SERPINB2: variants seen among roughly 807,000 people sequenced by gnomAD.
The protein encoded by SERPINB2 is serpin family B member 2.
SERPINB2 carries 28 observed loss-of-function variants against 39.4 expected under a neutral mutation model. The observed-to-expected ratio is 0.71, with a 90% CI of 0.53 to 0.97. The LOEUF is 0.97. Ranked by LOEUF, SERPINB2 falls within the 50% of genes least tolerant of loss-of-function variation. SERPINB2 has a pLI of 0.00. For missense variants in SERPINB2, 557 were observed against 505.3 expected, an observed-to-expected ratio of 1.10 and a Z score of -0.98; for synonymous variants, 209 against 175.1, an observed-to-expected ratio of 1.19 and a Z score of -1.53.
intron 5 of SERPINB2, among the ~76,000 whole-genome samples, chr18:63,901,244 A>G (rs1341911351): frequency 6.6e-6 from 1 of 152,148 alleles, no homozygotes; most frequent in Non-Finnish European, 1.5e-5. Flanking sequence ...ATCCAGGATA[A>G]TTCTTCCTTT....
intron 1 of SERPINB2, among the ~76,000 whole-genome samples, chr18:63,888,859 C>T (rs2049908378): frequency 6.6e-6 from 1 of 152,188 alleles, no homozygotes; most frequent in Admixed American, 6.5e-5. Context: ...AAATTCACAA[C>T]AGGTATACCT....
At position 63,892,381 on chromosome 18, in the gene SERPINB2, C is replaced by T. The variant is rs187103212; in HGVS notation, c.168+769C>T. Among the ~76,000 whole-genome samples the T allele has an allele frequency of 2.4e-4, 36 of 152,268 alleles. No individual in the cohort carries two copies. In the East Asian group the frequency reaches 6.6e-3, roughly 28 times the overall value. ...GGAGTCTGGGCCCTTGAAATTATGC[C>T]GGACTACTTCAATTATACACTGCAA... On this transcript the variant is annotated intron_variant, in intron 2 of 7. Coordinates refer to ENST00000299502, the MANE Select transcript of SERPINB2 (RefSeq NM_002575.3).
intron 5 of SERPINB2, among the ~76,000 whole-genome samples, chr18:63,898,124 G>C (rs923647716): frequency 3.9e-5 from 6 of 152,202 alleles, no homozygotes; most frequent in Admixed American, 6.5e-5. Context: ...TTTCAAAATA[G>C]GAAATATCAG....
Position 63,889,042 on chromosome 18 carries a change from T to C in SERPINB2, c.-10+1272T>C, listed in dbSNP as rs1384272531. 3.3e-5 allele frequency among the ~76,000 whole-genome samples: 5 copies of C among 152,270 alleles called. No individual in the cohort carries two copies. In the East Asian group the frequency reaches 9.7e-4, roughly 29 times the overall value. Reference sequence around the variant, plus strand: ...AAACTCTCAGACCTTATTTGAAAAGTTTGTAGGAAAGCATTAGACTTGGAA... The same window carrying C: ...AAACTCTCAGACCTTATTTGAAAAGCTTGTAGGAAAGCATTAGACTTGGAA... On this transcript the variant is annotated intron_variant, in intron 1 of 7. Coordinates refer to ENST00000299502, the MANE Select transcript of SERPINB2 (RefSeq NM_002575.3).
In SERPINB2 at chr18:63,895,263, G is replaced by T. The variant is rs749879244; in HGVS notation, c.169-1G>T. 1 of 1,613,234 alleles carries T rather than the reference G, an allele frequency of 6.2e-7. No homozygotes were observed. On this transcript the variant is annotated splice_acceptor_variant, in intron 2 of 7. Coordinates refer to ENST00000299502, the MANE Select transcript of SERPINB2 (RefSeq NM_002575.3). LOFTEE classifies it high-confidence loss of function. ...ACCGTTTTCTCTAATTCTGATTGCA[G>T]GTGCTTCAGTTTAATGAAGTGGGAG...
At chr18:63,891,653 C>T (rs1308996701) in intron 2 of SERPINB2, 41 bp downstream of exon 2, 1 of 1,582,516 alleles carries the variant, frequency 6.3e-7, no homozygotes, top group East Asian at 2.3e-5. Context: ...CCGAGTAGTT[C>T]CTGAATGGAA....
At chr18:63,888,109 A>G (rs1568233994) in intron 1 of SERPINB2, among the ~76,000 whole-genome samples, 1 of 152,220 alleles carries the variant, frequency 6.6e-6, no homozygotes. Flanking sequence ...ACTAAATTTG[A>G]TGGAAACAAC....
At chr18:63,890,043 G>T (rs1285629481) in intron 1 of SERPINB2, 1 of 152,190 alleles carries the variant, frequency 6.6e-6, no homozygotes, top group African/African-American at 2.4e-5. Context: ...ATAAAATAGG[G>T]AGAATCACCT....
At chr18:63,893,849 G>A (rs1241630211) in intron 2 of SERPINB2, among the ~76,000 whole-genome samples, 1 of 152,138 alleles carries the variant, frequency 6.6e-6, no homozygotes, top group Non-Finnish European at 1.5e-5. Context: ...TATGAGGTAG[G>A]TACGATGATT....
chr18:63,891,029 C>A, intron 1 of SERPINB2: 1 of 183,592 alleles, frequency 5.4e-6, no homozygotes, highest in Non-Finnish European at 1.2e-5. Flanking sequence ...TAGGGTCTGC[C>A]TATCTGGCTT....
At chr18:63,902,775 A>T in intron 7 of SERPINB2, 126 bp from the exon 8 acceptor site, 1 of 1,176,784 alleles carries the variant, frequency 8.5e-7, no homozygotes, top group Non-Finnish European at 1.2e-6. Flanking sequence ...CCAATCTGTT[A>T]ACTTTCTATA....
At chr18:63,894,116 C>T (rs1191867282) in intron 2 of SERPINB2, among the ~76,000 whole-genome samples, 2 of 152,066 alleles carry the variant, frequency 1.3e-5, no homozygotes, top group Non-Finnish European at 2.9e-5. Context: ...GCTCACAGTC[C>T]CACTTTTGCA....
At chr18:63,897,367 C>T in intron 4 of SERPINB2, 148 bp downstream of exon 4, 1 of 821,810 alleles carries the variant, frequency 1.2e-6, no homozygotes, top group South Asian at 1.9e-5. Flanking sequence ...AACAGCTGCC[C>T]TTCCTGTACC....
intron 1 of SERPINB2, among the ~76,000 whole-genome samples, chr18:63,888,152 T>G (rs1174420087): frequency 6.6e-6 from 1 of 152,226 alleles, no homozygotes; most frequent in Non-Finnish European, 1.5e-5. Context: ...TTTAAGCAAT[T>G]GAATGTAATC....
intron 2 of SERPINB2, chr18:63,892,687 G>T (rs2049934381): frequency 6.6e-6 from 1 of 152,144 alleles, no homozygotes; most frequent in South Asian, 2.1e-4. Context: ...TTTGAAGTTT[G>T]AAGTTTCACA....
intron 2 of SERPINB2, among the ~76,000 whole-genome samples, chr18:63,893,203 T>C (rs1466357560): frequency 6.6e-6 from 1 of 152,218 alleles, no homozygotes; most frequent in African/African-American, 2.4e-5. Flanking sequence ...GCTGGGATTA[T>C]AGGCGTGAGC....
intron 5 of SERPINB2, among the ~76,000 whole-genome samples, 177 bp downstream of exon 5, chr18:63,898,021 A>C (rs2049971605): frequency 6.6e-6 from 1 of 152,226 alleles, no homozygotes; most frequent in Non-Finnish European, 1.5e-5. Flanking sequence ...GAGAAGAAAT[A>C]ATTGAGGCCT....
chr18:63,897,170 T>A lies in SERPINB2; in HGVS notation c.368T>A (p.Leu123Gln), dbSNP rs572125133. The A allele has an allele frequency of 5.8e-5, 93 of 1,613,508 alleles. 1 individual carries two copies. In the South Asian group the frequency reaches 9.6e-4, roughly 17 times the overall value. Residue 123 changes from leucine to glutamine, a missense_variant, in exon 4 of 8, where the codon CTG (leucine) becomes CAG (glutamine). Leu to Gln is a moderately radical substitution (Grantham distance 113). Transcript: ENST00000299502. Reference sequence around the variant, plus strand: ...AATGCATCCACAGGGAATTATTTACTGGAAAGTGTCAATAAGCTGTTTGGT... The same window carrying A: ...AATGCATCCACAGGGAATTATTTACAGGAAAGTGTCAATAAGCTGTTTGGT... Reference protein sequence around the residue: ...AINASTGNYLLESVNKLFGEK... With the variant: ...AINASTGNYLQESVNKLFGEK...
intron 1 of SERPINB2, 77 bp from the exon 2 acceptor site, chr18:63,891,358 GT>G: frequency 7.0e-7 from 1 of 1,427,674 alleles, no homozygotes; most frequent in Non-Finnish European, 9.7e-7. Context: ...AATGCAGCCT[GT>G]CCTACTGTTG....
Sources: allele counts gnomAD v4.1 joint callset (sites outside exome capture counted in the v4.1 genomes callset), GRCh38; gene constraint gnomAD v4.1.1; transcripts MANE v1.5; gene names NCBI Gene and HGNC (gene_info 2026-07-23, HGNC 2026-07-21).